DNAH8: variants seen among roughly 807,000 people sequenced by gnomAD.
The protein encoded by DNAH8 is dynein axonemal heavy chain 8.
In DNAH8, 382 loss-of-function variants were observed where a neutral mutation model predicts 562.1. The observed-to-expected ratio is 0.68, with a 90% CI of 0.63 to 0.74. The LOEUF (loss-of-function observed/expected upper bound fraction) is 0.74, where lower values mean the gene tolerates loss of function less well. Among genes scored for constraint, DNAH8 ranks in the 30% least tolerant of loss-of-function variants. The pLI, the probability that DNAH8 is intolerant of heterozygous loss-of-function variation, is 0.00. For missense variants in DNAH8, 5,203 were observed against 5,620.4 expected (o/e 0.93, Z 2.37); for synonymous variants, 1,881 against 1,919.4 (o/e 0.98, Z 0.52).
chr6:38,797,085 G>A (rs180671803), intron 21 of DNAH8, among the ~76,000 whole-genome samples: 5 of 152,274 alleles, frequency 3.3e-5, no homozygotes, highest in South Asian at 4.1e-4. Flanking sequence ...ATGAGTATTA[G>A]CAATTCTGTC....
At position 38,817,314 on chromosome 6, in the gene DNAH8, G is replaced by A. The variant is rs552661394; in HGVS notation, c.3523+1657G>A. ...GCTGAGATTGCACCACTGCACTACA[G>A]CCAGAGCAACAGAGGGAGACTCCAT... On this transcript the variant is annotated intron_variant, in intron 26 of 92. Coordinates refer to ENST00000327475, the MANE Select transcript of DNAH8 (RefSeq NM_001206927.2). Among the ~76,000 whole-genome samples the A allele has an allele frequency of 2.0e-5, 3 of 152,278 alleles. No homozygotes were observed. The East Asian group carries it at 5.8e-4, about 29-fold the overall frequency.
At chr6:38,791,911 T>G (rs1165266693) in intron 21 of DNAH8, among the ~76,000 whole-genome samples, 1 of 152,134 alleles carries the variant, frequency 6.6e-6, no homozygotes, top group African/African-American at 2.4e-5. Context: ...TTCCTGGGGC[T>G]CTGTAAGTGG....
In DNAH8 at chr6:38,837,935, G is replaced by GT; in HGVS notation, c.4366-5dup. 6.3e-7 allele frequency: 1 copy of GT among 1,595,200 alleles called. No homozygotes were observed. On this transcript the variant is annotated splice_region_variant and splice_polypyrimidine_tract_variant and intron_variant, in intron 32 of 92. Coordinates refer to ENST00000327475, the MANE Select transcript of DNAH8 (RefSeq NM_001206927.2). ...ATTTTAGTACAATTTAAAAACCTTT[G>GT]TTACAGGCCAGTTTCGATGATCTGT... is the stretch of plus-strand genomic sequence containing the variant.
intron 18 of DNAH8, among the ~76,000 whole-genome samples, chr6:38,789,287 G>A (rs770218669): frequency 2.0e-5 from 3 of 152,132 alleles, no homozygotes; most frequent in Non-Finnish European, 2.9e-5. Context: ...ACTCGAATCT[G>A]CATTTCCCAC....
intron 73 of DNAH8, among the ~76,000 whole-genome samples, chr6:38,925,349 T>A (rs1241510053): frequency 7.2e-6 from 1 of 138,690 alleles, no homozygotes; most frequent in East Asian, 2.7e-4. Flanking sequence ...ATTTTATTTT[T>A]TTTAGAGACA....
chr6:38,897,676 G>A (rs929977622), intron 60 of DNAH8, among the ~76,000 whole-genome samples: 12 of 152,138 alleles, frequency 7.9e-5, no homozygotes, highest in Non-Finnish European at 1.6e-4. Context: ...GCGACTTGGG[G>A]GAGTTGAGGT....
chr6:38,761,004 C>T (rs1426435127), intron 10 of DNAH8, among the ~76,000 whole-genome samples: 5 of 151,932 alleles, frequency 3.3e-5, no homozygotes, highest in Non-Finnish European at 7.4e-5. Context: ...CATCTAACTT[C>T]CATTTCTCTT....
chr6:38,722,715 A>G, intron 1 of DNAH8, 61 bp from the exon 2 acceptor site: 1 of 1,336,028 alleles, frequency 7.5e-7, no homozygotes, highest in Non-Finnish European at 1.0e-6. Flanking sequence ...AAAGGGGAGT[A>G]ATAAAAACGT....
rs772470999 is a variant in DNAH8, at chr6:38,857,691, C to T, written c.5907C>T (p.Phe1969=). ...TAAGCAAGTTTGATAGAGTGAAGTT[C>T]GAGACTCTAATTACCATCCATGTGC... The part of the protein sequence containing the change: ...HDLSKFDRVK[F]ETLITIHVHQ... Residue 1969 remains phenylalanine (F), a synonymous_variant, in exon 42 of 93, where the codon TTC becomes TTT. Transcript: ENST00000327475. 14 of 1,613,534 alleles carry T rather than the reference C, an allele frequency of 8.7e-6. No homozygotes were observed. The highest frequency in any genetic ancestry group is 8.3e-5 in the Admixed American group (5 of 59,998).
intron 33 of DNAH8, among the ~76,000 whole-genome samples, chr6:38,841,452 C>G (rs1738190): frequency 1.3e-5 from 2 of 152,004 alleles, no homozygotes; most frequent in South Asian, 4.2e-4. Flanking sequence ...AAAGATAGAA[C>G]GACTTTTACT....
intron 8 of DNAH8, among the ~76,000 whole-genome samples, chr6:38,746,615 GT>G (rs1764959386): frequency 6.6e-6 from 1 of 150,650 alleles, no homozygotes; most frequent in African/African-American, 2.4e-5. Flanking sequence ...TTCATGTATT[GT>G]TTAAAAATAC....
At chr6:38,909,453 ATC>A in intron 64 of DNAH8, 63 bp from the exon 65 acceptor site, 2 of 1,476,876 alleles carry the variant, frequency 1.4e-6, no homozygotes, top group Non-Finnish European at 1.9e-6. Flanking sequence ...GATTGCGTAA[ATC>A]TCTCTCTGGC....
chr6:38,983,203 G>A (rs1310846515), intron 86 of DNAH8, among the ~76,000 whole-genome samples: 2 of 152,184 alleles, frequency 1.3e-5, no homozygotes, highest in Non-Finnish European at 2.9e-5. Flanking sequence ...GTTTCTGTGA[G>A]GAACGAATGA....
Position 39,030,483 on chromosome 6 carries a change from T to A in DNAH8, c.*91T>A. 1 of 1,108,078 alleles carries A rather than the reference T, an allele frequency of 9.0e-7. No homozygotes were observed. Among genetic ancestry groups the A allele is most frequent in the Non-Finnish European group, 1.3e-6 (1 of 773,954 alleles). 68.6% of individuals were successfully genotyped at this position (1,108,078 alleles called of 1,614,324 possible). On this transcript the variant is annotated 3_prime_UTR_variant, in exon 93 of 93. Coordinates refer to ENST00000327475, the MANE Select transcript of DNAH8 (RefSeq NM_001206927.2). ...TGATGTGTGTGTCTTTTCTCCCCAG[T>A]AATTCCTTAATTACTCTTTCTACAT...
At chr6:38,824,406 C>G (rs1214325823) in intron 28 of DNAH8, among the ~76,000 whole-genome samples, 1 of 152,118 alleles carries the variant, frequency 6.6e-6, no homozygotes, top group Non-Finnish European at 1.5e-5. Context: ...AGTTGACATT[C>G]AGAAGAAAGG....
intron 88 of DNAH8, among the ~76,000 whole-genome samples, chr6:38,991,967 A>G (rs1583525175): frequency 7.8e-6 from 1 of 128,000 alleles, no homozygotes; most frequent in Non-Finnish European, 1.7e-5. Context: ...GACATACTCT[A>G]CACTTTTTTT....
chr6:38,747,370 CTTTTTTTCTTTTTCT>C (rs770523442), intron 8 of DNAH8, among the ~76,000 whole-genome samples: 5,612 of 136,898 alleles, frequency 0.041, 63 homozygotes, highest in East Asian at 0.082. Context: ...TTGTCATTTT[CTTTTTTTCTTTTTCT>C]TTTTTTTTTT....
intron 44 of DNAH8, 98 bp downstream of exon 44, chr6:38,862,556 T>A: frequency 7.3e-7 from 1 of 1,361,460 alleles, no homozygotes; most frequent in African/African-American, 1.5e-5. Flanking sequence ...TGATCTCATA[T>A]AATCTACATT....
At chr6:38,764,921 G>C (rs913025682) in intron 11 of DNAH8, among the ~76,000 whole-genome samples, 3 of 152,006 alleles carry the variant, frequency 2.0e-5, no homozygotes, top group Non-Finnish European at 2.9e-5. Context: ...TGCAACCTCT[G>C]CCTCCCAGGT....
Sources: gnomAD v4.1 joint callset for allele counts (sites outside exome capture counted in the v4.1 genomes callset) on GRCh38, gnomAD v4.1.1 for gene constraint, MANE v1.5 for transcripts, NCBI Gene and HGNC (gene_info 2026-07-23, HGNC 2026-07-21) for gene names.